RARB: variants seen among roughly 807,000 people sequenced by gnomAD.
RARB encodes the protein retinoic acid receptor beta, also known as HBV-activated protein.
Under a neutral mutation model 51.9 loss-of-function variants are expected in RARB, and 17 were observed. The ratio of observed to expected loss-of-function variants is 0.33; its 90% confidence interval spans 0.22 to 0.49. RARB has a LOEUF of 0.49. Among genes scored for constraint, RARB ranks in the 20% least tolerant of loss-of-function variants. RARB has a pLI of 0.99. For synonymous variants in RARB, 215 were observed against 195.4 expected, an observed-to-expected ratio of 1.10 and a Z score of -0.84; for missense variants, 369 against 550.8, an observed-to-expected ratio of 0.67 and a Z score of 3.30.
intron 5 of RARB, among the ~76,000 whole-genome samples, chr3:25,589,401 A>G (rs1342893083): frequency 1.3e-5 from 2 of 152,244 alleles, no homozygotes; most frequent in Admixed American, 6.5e-5. Flanking sequence ...TTTATTCTGA[A>G]GGTGACTAGA....
rs145221476 is a variant in RARB, at chr3:25,157,770, T to G, written c.-279-16349T>G. ...TAAGTCCTGTTATTTTCTCATTTTTTAAATCAGAAAGCTGAGACTCGAGAT... is the reference window on the plus strand; with the variant it reads ...TAAGTCCTGTTATTTTCTCATTTTTGAAATCAGAAAGCTGAGACTCGAGAT... On this transcript the variant is annotated intron_variant, in intron 4 of 11. Coordinates refer to the RARB transcript ENST00000383772. Among the ~76,000 whole-genome samples, 799 of 152,354 alleles carry G rather than the reference T, an allele frequency of 5.2e-3. 12 individuals carry two copies. The highest frequency in any genetic ancestry group is 0.017 in the African/African-American group (700 of 41,580).
At chr3:25,373,456 ACACT>A (rs1194925404) in intron 5 of RARB, among the ~76,000 whole-genome samples, 1 of 152,142 alleles carries the variant, frequency 6.6e-6, no homozygotes, top group Admixed American at 6.6e-5. Context: ...GACTTCTGAG[ACACT>A]GCTTTTGTTG....
chr3:25,246,386 GGAGGA>G, intron 5 of RARB, among the ~76,000 whole-genome samples: 1 of 152,052 alleles, frequency 6.6e-6, no homozygotes, highest in East Asian at 1.9e-4. Flanking sequence ...GTGATCCTTT[GGAGGA>G]GAAGAGGTAT....
chr3:25,387,222 C>T (rs1394474198), intron 5 of RARB, among the ~76,000 whole-genome samples: 1 of 152,136 alleles, frequency 6.6e-6, no homozygotes, highest in Non-Finnish European at 1.5e-5. Context: ...TTGGAGCCAT[C>T]AGGGAAGAAA....
chr3:25,145,192 C>T (rs893317138), intron 4 of RARB, among the ~76,000 whole-genome samples: 2 of 152,192 alleles, frequency 1.3e-5, no homozygotes, highest in African/African-American at 4.8e-5. Flanking sequence ...TTACCAGCTA[C>T]CACATGGTCT....
chr3:25,058,024 C>G (rs935788518), intron 2 of RARB, among the ~76,000 whole-genome samples: 7 of 151,908 alleles, frequency 4.6e-5, no homozygotes, highest in African/African-American at 1.4e-4. Flanking sequence ...GAATTATGTA[C>G]TGCACTTCCA....
chr3:25,015,797 G>A (rs1035984736), intron 2 of RARB, among the ~76,000 whole-genome samples: 1 of 152,146 alleles, frequency 6.6e-6, no homozygotes, highest in Non-Finnish European at 1.5e-5. Context: ...AGCATTTCAA[G>A]AAGTCAATGG....
intron 5 of RARB, among the ~76,000 whole-genome samples, chr3:25,204,876 A>G (rs539103639): frequency 1.3e-5 from 2 of 151,822 alleles, no homozygotes; most frequent in Admixed American, 6.6e-5. Flanking sequence ...GGGGTCAGGG[A>G]CCCACTTGAG....
intron 1 of RARB, among the ~76,000 whole-genome samples, chr3:24,835,819 T>C (rs1289365364): frequency 3.3e-5 from 5 of 152,296 alleles, no homozygotes; most frequent in Admixed American, 1.3e-4. Flanking sequence ...CAGTGGGTGG[T>C]GAAAGTTGCA....
At position 25,567,735 on chromosome 3, in the gene RARB, G is replaced by A. The variant is rs903792359; in HGVS notation, c.449-2023G>A. Among the ~76,000 whole-genome samples the A allele has an allele frequency of 3.9e-5, 6 of 152,074 alleles. No homozygotes were observed. In the South Asian group the frequency reaches 6.2e-4, roughly 16 times the overall value. On this transcript the variant is annotated intron_variant, in intron 3 of 7. Transcript: ENST00000330688. ...GAAAAACTGCCGAGTACTCTTCCTCGGGGCTCTGTTTCAGAAGGACCCTCC... is the reference window on the plus strand; with the variant it reads ...GAAAAACTGCCGAGTACTCTTCCTCAGGGCTCTGTTTCAGAAGGACCCTCC...
At chr3:25,378,832 AT>A (rs1403278283) in intron 5 of RARB, among the ~76,000 whole-genome samples, 2 of 152,186 alleles carry the variant, frequency 1.3e-5, no homozygotes, top group African/African-American at 4.8e-5. Context: ...ATGAGGTAGT[AT>A]TTCAGTATTT....
intron 3 of RARB, among the ~76,000 whole-genome samples, chr3:25,090,881 G>T (rs567590710): frequency 6.6e-6 from 1 of 152,062 alleles, no homozygotes; most frequent in African/African-American, 2.4e-5. Context: ...GAAAGAGATG[G>T]TTTCCTTCAA....
chr3:24,956,021 C>T (rs6780762), intron 2 of RARB, among the ~76,000 whole-genome samples: 6 of 151,946 alleles, frequency 3.9e-5, no homozygotes, highest in East Asian at 1.9e-4. Context: ...AGGCTGTCTT[C>T]GTCAGATTAG....
At chr3:25,114,137 T>C (rs1267331019) in intron 3 of RARB, among the ~76,000 whole-genome samples, 1 of 152,180 alleles carries the variant, frequency 6.6e-6, no homozygotes, top group East Asian at 1.9e-4. Flanking sequence ...AGAGGTGGGG[T>C]AAGGCAATTA....
At position 25,176,350 on chromosome 3, in the gene RARB, C is replaced by CTTTCT. The variant is rs1700749355; in HGVS notation, c.178+1777_178+1778insTCTTT. 5.9e-3 allele frequency among the ~76,000 whole-genome samples: 297 copies of CTTTCT among 50,420 alleles called. 1 individual carries two copies. The highest frequency in any genetic ancestry group is 0.01 in the African/African-American group (156 of 15,302). The allele number at this position is 50,420 out of a possible 152,430, so 33.1% of individuals were successfully genotyped here. On this transcript the variant is annotated intron_variant, in intron 5 of 11. Coordinates refer to the RARB transcript ENST00000383772. ...CTTTCTTTCTTTCCTTCCTTCCTTCCTTCCTTCCTTCCTTCCTTCCTTCCT... is the reference window on the plus strand; with the variant it reads ...CTTTCTTTCTTTCCTTCCTTCCTTCCTTTCTTTCCTTCCTTCCTTCCTTCCTTCCT...
At chr3:25,106,282 C>A (rs1230908186) in intron 3 of RARB, among the ~76,000 whole-genome samples, 1 of 29,704 alleles carries the variant, frequency 3.4e-5, no homozygotes, top group Non-Finnish European at 6.3e-5. Context: ...AAGTAAAATT[C>A]TTTTATTTTT....
chr3:25,331,837 G>A (rs1333657888), intron 5 of RARB, among the ~76,000 whole-genome samples: 1 of 152,120 alleles, frequency 6.6e-6, no homozygotes, highest in Non-Finnish European at 1.5e-5. Flanking sequence ...AAATGATAAA[G>A]GGGATATCAC....
At chr3:25,194,852 G>C (rs1382781372) in intron 5 of RARB, among the ~76,000 whole-genome samples, 1 of 151,860 alleles carries the variant, frequency 6.6e-6, no homozygotes, top group East Asian at 1.9e-4. Context: ...GGCCGCTCTG[G>C]TCTGTGCCAC....
intron 3 of RARB, among the ~76,000 whole-genome samples, chr3:25,084,174 C>A (rs893480273): frequency 1.3e-5 from 2 of 152,150 alleles, no homozygotes; most frequent in African/African-American, 4.8e-5. Context: ...GTTCCGTGTT[C>A]CAGTTGACTC....
Sources: allele counts gnomAD v4.1 joint callset (sites outside exome capture counted in the v4.1 genomes callset), GRCh38; gene constraint gnomAD v4.1.1; transcripts MANE v1.5; gene names NCBI Gene and HGNC (gene_info 2026-07-23, HGNC 2026-07-21).